Variants in CNOT6 observed in about 807,000 individuals in gnomAD.
The protein encoded by CNOT6 is CCR4-NOT transcription complex subunit 6, also known as carbon catabolite repression 4 protein.
CNOT6 carries 12 observed loss-of-function variants against 61.2 expected under a neutral mutation model. That is an observed-to-expected ratio of 0.20 (90% CI 0.13 to 0.32). The LOEUF is 0.32. CNOT6 is among the 10% of genes least tolerant of loss of function. The pLI, the probability that CNOT6 is intolerant of heterozygous loss-of-function variation, is 1.00. For synonymous variants in CNOT6, 225 were observed against 240.6 expected (o/e 0.94, Z 0.60); for missense variants, 405 against 663.9 (o/e 0.61, Z 4.28).
intron 11 of CNOT6, 135 bp from the exon 12 acceptor site, chr5:180,573,853 C>T: frequency 1.5e-6 from 1 of 656,662 alleles, no homozygotes; most frequent in South Asian, 1.9e-5. Context: ...GTAGTACAGA[C>T]CTCATCCTAC....
intron 4 of CNOT6, among the ~76,000 whole-genome samples, chr5:180,558,575 A>G (rs1760018487): frequency 6.8e-6 from 1 of 147,638 alleles, no homozygotes; most frequent in Non-Finnish European, 1.5e-5. Context: ...CTTTTATTTC[A>G]TTGAGTTCTG....
At chr5:180,538,719 A>ATATATATATATATATAT (rs1561648400) in intron 2 of CNOT6, among the ~76,000 whole-genome samples, 1 of 124,890 alleles carries the variant, frequency 8.0e-6, no homozygotes, top group African/African-American at 3.0e-5. Context: ...TATATATACA[A>ATATATATATATATATAT]AAAAATTAGC....
intron 2 of CNOT6, among the ~76,000 whole-genome samples, chr5:180,536,812 A>T (rs766696833): frequency 6.6e-6 from 1 of 152,176 alleles, no homozygotes; most frequent in African/African-American, 2.4e-5. Flanking sequence ...TTGTAGAGAC[A>T]GGGGTCTTGT....
At chr5:180,570,365 TATG>T (rs1022349308) in intron 10 of CNOT6, among the ~76,000 whole-genome samples, 10 of 151,920 alleles carry the variant, frequency 6.6e-5, no homozygotes, top group African/African-American at 2.4e-4. Flanking sequence ...ATAATAATAA[TATG>T]ATAATAAAAG....
At chr5:180,534,937 G>A (rs1217858222) in intron 2 of CNOT6, among the ~76,000 whole-genome samples, 1 of 35,452 alleles carries the variant, frequency 2.8e-5, no homozygotes, top group Non-Finnish European at 6.5e-5. Flanking sequence ...AATCCACCAT[G>A]GCATGGGCCG....
At chr5:180,502,968 A>G (rs1414866130) in intron 1 of CNOT6, among the ~76,000 whole-genome samples, 4 of 152,370 alleles carry the variant, frequency 2.6e-5, no homozygotes, top group Non-Finnish European at 4.4e-5. Context: ...AAATTATGAC[A>G]ATGATAACTA....
intron 2 of CNOT6, among the ~76,000 whole-genome samples, chr5:180,541,865 G>A (rs1001524568): frequency 2.0e-5 from 3 of 147,586 alleles, no homozygotes; most frequent in South Asian, 2.2e-4. Flanking sequence ...TTTAGCAGAC[G>A]GGGTCTCGCT....
intron 1 of CNOT6, among the ~76,000 whole-genome samples, chr5:180,526,529 A>AG (rs1242348814): frequency 2.0e-5 from 3 of 152,134 alleles, no homozygotes; most frequent in Non-Finnish European, 4.4e-5. Flanking sequence ...GGGAGGATGG[A>AG]GGAGTAGGTG....
intron 1 of CNOT6, among the ~76,000 whole-genome samples, chr5:180,521,081 C>T (rs757566234): frequency 6.6e-6 from 1 of 152,046 alleles, no homozygotes; most frequent in Non-Finnish European, 1.5e-5. Context: ...TCAGACAGTC[C>T]GCCTGCCTTG....
At chr5:180,564,008 T>TA (rs909614419) in intron 4 of CNOT6, among the ~76,000 whole-genome samples, 2 of 152,348 alleles carry the variant, frequency 1.3e-5, no homozygotes, top group African/African-American at 4.8e-5. Context: ...AGTATGACTT[T>TA]AAAAAATCTA....
At chr5:180,552,841 A>AT (rs1002902572) in intron 3 of CNOT6, among the ~76,000 whole-genome samples, 3 of 150,906 alleles carry the variant, frequency 2.0e-5, no homozygotes, top group Non-Finnish European at 4.4e-5. Context: ...AGCTGCTGTT[A>AT]TTTTTTAAAT....
chr5:180,498,960 T>G (rs1398750511), intron 1 of CNOT6, among the ~76,000 whole-genome samples: 1 of 152,204 alleles, frequency 6.6e-6, no homozygotes, highest in East Asian at 1.9e-4. Context: ...GACTAATTTT[T>G]TTGTATTTTT....
chr5:180,534,210 T>TA (rs1398480550), intron 2 of CNOT6: 1 of 154,754 alleles, frequency 6.5e-6, no homozygotes. Context: ...GTGGGGCCAG[T>TA]GGGGGCTGCT....
chr5:180,506,112 G>A (rs569738930), intron 1 of CNOT6, among the ~76,000 whole-genome samples: 70 of 152,308 alleles, frequency 4.6e-4, no homozygotes, highest in Admixed American at 1.2e-3. Flanking sequence ...ACTAGCTTTG[G>A]AGTCAGATTG....
chr5:180,563,216 A>AT (rs11379078), intron 4 of CNOT6, among the ~76,000 whole-genome samples: 64,838 of 140,240 alleles, frequency 0.46, 15,437 homozygotes, highest in Middle Eastern at 0.54. Context: ...TTCCTGTTAA[A>AT]TTTTTTTTTT....
At chr5:180,525,300 G>A (rs778121762) in intron 1 of CNOT6, among the ~76,000 whole-genome samples, 5 of 152,122 alleles carry the variant, frequency 3.3e-5, no homozygotes, top group Non-Finnish European at 7.3e-5. Flanking sequence ...ACTTTGGGAG[G>A]CTGAGGCAGG....
At chr5:180,561,584 A>G (rs1204896547) in intron 4 of CNOT6, among the ~76,000 whole-genome samples, 1 of 151,836 alleles carries the variant, frequency 6.6e-6, no homozygotes, top group Non-Finnish European at 1.5e-5. Flanking sequence ...GAAACTCTAG[A>G]TCTTGTTTAA....
chr5:180,513,905 G>A (rs1016805542), intron 1 of CNOT6, among the ~76,000 whole-genome samples: 1 of 150,160 alleles, frequency 6.7e-6, no homozygotes, highest in South Asian at 2.1e-4. Context: ...GGGTTTCACC[G>A]TGTTAGCCAG....
intron 1 of CNOT6, among the ~76,000 whole-genome samples, chr5:180,526,464 G>C (rs999817902): frequency 6.6e-6 from 1 of 152,172 alleles, no homozygotes; most frequent in Non-Finnish European, 1.5e-5. Context: ...GGAGTTCGTA[G>C]AAAGGGCCCT....
Sources: allele counts gnomAD v4.1 joint callset (sites outside exome capture counted in the v4.1 genomes callset), GRCh38; gene constraint gnomAD v4.1.1; transcripts MANE v1.5; gene names NCBI Gene and HGNC (gene_info 2026-07-23, HGNC 2026-07-21).